The following LPL variants were observed in gnomAD, a reference collection of about 807,000 sequenced individuals.
LPL encodes lipoprotein lipase.
A neutral mutation model predicts 52.2 loss-of-function variants in LPL; 43 were observed. The observed-to-expected ratio is 0.82, with a 90% CI of 0.64 to 1.06. The LOEUF (loss-of-function observed/expected upper bound fraction) is 1.06, where lower values mean the gene tolerates loss of function less well. Among genes scored for constraint, LPL ranks in the 50% least tolerant of loss-of-function variants. LPL has a pLI of 0.00. For missense variants in LPL, 639 were observed against 585.3 expected, an observed-to-expected ratio of 1.09 and a Z score of -0.95; for synonymous variants, 244 against 215.6, an observed-to-expected ratio of 1.13 and a Z score of -1.15.
chr8:19,944,136 C>T lies in LPL; in HGVS notation c.89-4044C>T, dbSNP rs986915331. On this transcript the variant is annotated intron_variant, in intron 1 of 9. Transcript: ENST00000650287. This position sits in a 1 kb window ranked among gnomAD's most constrained non-coding sequence, Gnocchi z 4.2. ...AGGAGGCATAGGTTGCAGTGAGTCA[C>T]GATCGTGCCACTGCACTCCAGCCTG... Among the ~76,000 whole-genome samples, 4 of 151,944 alleles carry T rather than the reference C, an allele frequency of 2.6e-5. No individual in the cohort carries two copies. Among genetic ancestry groups the T allele is most frequent in the South Asian group, 2.1e-4 (1 of 4,818 alleles).
chr8:19,946,180 A>T (rs556065238), intron 1 of LPL, among the ~76,000 whole-genome samples: 1 of 152,326 alleles, frequency 6.6e-6, no homozygotes, highest in African/African-American at 2.4e-5. Flanking sequence ...TACTTTTACT[A>T]TATGCAAATG....
At chr8:19,959,403 C>T in intron 7 of LPL, 23 bp downstream of exon 7, 3 of 1,613,628 alleles carry the variant, frequency 1.9e-6, no homozygotes, top group South Asian at 1.1e-5. Context: ...GGGGGGCGGT[C>T]ATCATGGCAC....
chr8:19,943,247 T>A (rs2069855444), intron 1 of LPL, among the ~76,000 whole-genome samples: 1 of 152,164 alleles, frequency 6.6e-6, no homozygotes, highest in South Asian at 2.1e-4. Flanking sequence ...AGCTTTTAAG[T>A]AGCATGAAAA....
At position 19,953,343 on chromosome 8, in the gene LPL, C is replaced by T; in HGVS notation, c.463C>T (p.Leu155Phe). 1 of 1,613,936 alleles carries T rather than the reference C, an allele frequency of 6.2e-7. No homozygotes were observed. The highest frequency in any genetic ancestry group is 8.5e-7 in the Non-Finnish European group (1 of 1,179,790). ...EFNYPLDNVH[L>F]LGYSLGAHAA... is the part of the protein sequence containing the mutation. ...TAACTACCCTCTGGACAATGTCCAT[C>T]TCTTGGGATACAGCCTTGGAGCCCA... is the stretch of plus-strand genomic sequence containing the variant. Residue 155 changes from leucine to phenylalanine, a missense_variant, in exon 4 of 10, where the codon CTC (leucine) becomes TTC (phenylalanine). Transcript: ENST00000650287.
chr8:19,941,031 G>A lies in LPL; in HGVS notation c.88+1503G>A, dbSNP rs143715291. The stretch of plus-strand genomic sequence containing the variant: ...TTGAGCCAGGGAGTTTCAGTAGACT[G>A]CAGTGAGCTGTGATTGCCCCACTGC... On this transcript the variant is annotated intron_variant, in intron 1 of 9. Coordinates refer to ENST00000650287, the MANE Select transcript of LPL (RefSeq NM_000237.3). Among the ~76,000 whole-genome samples the A allele has an allele frequency of 5.9e-5, 9 of 152,326 alleles. No individual in the cohort carries two copies. The East Asian group carries it at 1.7e-3, about 29-fold the overall frequency.
Position 19,948,161 on chromosome 8 carries a change from T to C in LPL, c.89-19T>C, listed in dbSNP as rs1480984864. ...AAGCAACCCTCCAGTTAACCTCATA[T>C]CCAATTTTTCCTTTCCAGAAAGAAG... On this transcript the variant is annotated intron_variant, in intron 1 of 9. Coordinates refer to ENST00000650287, the MANE Select transcript of LPL (RefSeq NM_000237.3). 3 of 1,613,346 alleles carry C rather than the reference T, an allele frequency of 1.9e-6. No individual in the cohort carries two copies. Among genetic ancestry groups the C allele is most frequent in the Admixed American group, 3.3e-5 (2 of 60,002 alleles).
rs1356232479 is a variant in LPL, at chr8:19,962,175, A to G, written c.1383A>G (p.Val461=). 2 of 1,613,766 alleles carry G rather than the reference A, an allele frequency of 1.2e-6. No homozygotes were observed. The highest frequency in any genetic ancestry group is 1.7e-6 in the Non-Finnish European group (2 of 1,179,832). ...TGCAGAAAGGAAAGGCACCTGCGGTATTTGTGAAATGCCATGACAAGTCTC... is the reference window on the plus strand; with the variant it reads ...TGCAGAAAGGAAAGGCACCTGCGGTGTTTGTGAAATGCCATGACAAGTCTC... The part of the protein sequence containing the change: ...SHLQKGKAPA[V]FVKCHDKSLN... The change falls in exon 9 of 10, where the codon GTA becomes GTG. Residue 461 remains valine (V), a synonymous_variant. Transcript: ENST00000650287.
At chr8:19,955,815 A>C (rs1217863204) in intron 5 of LPL, 26 bp from the exon 6 acceptor site, 3 of 1,613,948 alleles carry the variant, frequency 1.9e-6, no homozygotes, top group Non-Finnish European at 2.5e-6. Context: ...GCCGAGATAC[A>C]ATCTTGGTGT....
chr8:19,955,732 T>C (rs1590144307), intron 5 of LPL, 109 bp from the exon 6 acceptor site: 1 of 1,385,926 alleles, frequency 7.2e-7, no homozygotes, highest in East Asian at 2.3e-5. Context: ...ACTATATCCT[T>C]GGGTGATTCT....
At chr8:19,960,278 CT>C (rs1374585182) in intron 7 of LPL, among the ~76,000 whole-genome samples, 1 of 152,116 alleles carries the variant, frequency 6.6e-6, no homozygotes, top group African/African-American at 2.4e-5. Context: ...CTTTCCATAG[CT>C]ACAAAATATT....
At chr8:19,955,035 T>C (rs1400596907) in intron 5 of LPL, among the ~76,000 whole-genome samples, 1 of 152,186 alleles carries the variant, frequency 6.6e-6, no homozygotes, top group Admixed American at 6.5e-5. Flanking sequence ...CCTTGCATAC[T>C]TTATAGACAT....
chr8:19,939,433 GCC>G lies in LPL; in HGVS notation c.-5_-4del, dbSNP rs759481116. The G allele has an allele frequency of 2.0e-5, 32 of 1,605,048 alleles. No individual in the cohort carries two copies. In the African/African-American group the frequency reaches 3.7e-4, roughly 19 times the overall value. ...CCTTGCAGCTCCTCCAGAGGGACGC[GCC>G]CCGAGATGGAGAGCAAAGCCCTGCT... On this transcript the variant is annotated 5_prime_UTR_variant, in exon 1 of 10. Coordinates refer to ENST00000650287, the MANE Select transcript of LPL (RefSeq NM_000237.3). The surrounding 1 kb of genome is among the most constrained non-coding windows in gnomAD (Gnocchi z 4.0).
rs114792062 is a variant in LPL at position 19,954,312 on chromosome 8, T to C, written c.734T>C (p.Ile245Thr). Residue 245 changes from isoleucine to threonine, a missense_variant, in exon 5 of 10, where the codon ATT becomes ACT. Transcript: ENST00000650287. ...GGTACTTTTCAGCCAGGATGTAACA[T>C]TGGAGAAGCTATCCGCGTGATTGCA... ...NGGTFQPGCN[I>T]GEAIRVIAER... is the part of the protein sequence containing the mutation. 8.1e-6 allele frequency: 13 copies of C among 1,614,068 alleles called. No homozygotes were observed. Among genetic ancestry groups the C allele is most frequent in the East Asian group, 4.5e-5 (2 of 44,900 alleles).
chr8:19,960,868 A>G (rs751632852), intron 7 of LPL, 33 bp from the exon 8 acceptor site: 7 of 1,578,888 alleles, frequency 4.4e-6, no homozygotes, highest in Non-Finnish European at 5.2e-6. Context: ...GCTGATCTCT[A>G]TAACTAACCA....
chr8:19,947,961 T>C (rs2069897260), intron 1 of LPL, among the ~76,000 whole-genome samples: 1 of 152,216 alleles, frequency 6.6e-6, no homozygotes, highest in Non-Finnish European at 1.5e-5. Flanking sequence ...GAGAGGTCAA[T>C]GGTGACAATC....
chr8:19,947,583 T>C (rs2069892127), intron 1 of LPL, among the ~76,000 whole-genome samples: 1 of 151,598 alleles, frequency 6.6e-6, no homozygotes, highest in Non-Finnish European at 1.5e-5. Context: ...TGAACCAAGA[T>C]CGCACCACTG....
At chr8:19,941,200 T>G (rs957659259) in intron 1 of LPL, among the ~76,000 whole-genome samples, 1 of 152,010 alleles carries the variant, frequency 6.6e-6, no homozygotes, top group Non-Finnish European at 1.5e-5. Context: ...CACTGGAGAG[T>G]TGATGAGAAA....
At chr8:19,963,435 C>CAA (rs377320060) in intron 9 of LPL, among the ~76,000 whole-genome samples, 4,163 of 132,600 alleles carry the variant, frequency 0.031, 170 homozygotes, top group African/African-American at 0.097. Context: ...GACTCCATCT[C>CAA]AAAAAAAAAA....
rs1475724334 is a variant in LPL at position 19,939,281 on chromosome 8, C to T, written c.-160C>T. 2 of 644,660 alleles carry T rather than the reference C, an allele frequency of 3.1e-6. No individual in the cohort carries two copies. Among genetic ancestry groups the T allele is most frequent in the African/African-American group, 3.6e-5 (2 of 55,454 alleles). 39.9% of individuals were successfully genotyped at this position (644,660 alleles called of 1,614,324 possible). On this transcript the variant is annotated 5_prime_UTR_variant, in exon 1 of 10. Coordinates refer to ENST00000650287, the MANE Select transcript of LPL (RefSeq NM_000237.3). This position sits in a 1 kb window ranked among gnomAD's most constrained non-coding sequence, Gnocchi z 4.0. ...AGACTCGATTCCCCCTCTTCCTCCT[C>T]CTCAAGGGAAAGCTGCCCACTTCTA...
Sources: gnomAD v4.1 joint callset for allele counts (sites outside exome capture counted in the v4.1 genomes callset) on GRCh38, gnomAD v4.1.1 for gene constraint, Gnocchi (gnomAD v3.1) non-coding constraint, MANE v1.5 for transcripts, NCBI Gene and HGNC (gene_info 2026-07-23, HGNC 2026-07-21) for gene names.